MPPE1: variants seen among roughly 807,000 people sequenced by gnomAD.
MPPE1 encodes metallophosphoesterase 1, also known as metallo phosphoesterase.
Under a neutral mutation model 43.8 loss-of-function variants are expected in MPPE1, and 28 were observed. The ratio of observed to expected loss-of-function variants is 0.64; its 90% confidence interval spans 0.47 to 0.88. The LOEUF (loss-of-function observed/expected upper bound fraction) is 0.88, where lower values mean the gene tolerates loss of function less well. Ranked by LOEUF, MPPE1 falls within the 40% of genes least tolerant of loss-of-function variation. The pLI is 0.00. For synonymous variants in MPPE1, 159 were observed against 188.5 expected, an observed-to-expected ratio of 0.84 and a Z score of 1.28; for missense variants, 428 against 492.2, an observed-to-expected ratio of 0.87 and a Z score of 1.23.
chr18:11,894,774 G>C (rs1355836321), intron 3 of MPPE1, among the ~76,000 whole-genome samples: 2 of 151,888 alleles, frequency 1.3e-5, no homozygotes, highest in African/African-American at 4.8e-5. Flanking sequence ...ATATTTAGTA[G>C]AGACGGGGTT....
At chr18:11,896,365 G>A (rs1341708404) in intron 3 of MPPE1, among the ~76,000 whole-genome samples, 2 of 152,096 alleles carry the variant, frequency 1.3e-5, no homozygotes. Flanking sequence ...GCCTCCCAAA[G>A]TGCTGGGATT....
At chr18:11,887,885 T>C (rs689057) in intron 6 of MPPE1, among the ~76,000 whole-genome samples, 55,918 of 152,016 alleles carry the variant, frequency 0.37, 12,064 homozygotes, top group African/African-American at 0.6. Context: ...AGACTCTGCC[T>C]TCCTGGCAGA....
chr18:11,903,026 T>G (rs2039354776), intron 2 of MPPE1, among the ~76,000 whole-genome samples: 1 of 152,166 alleles, frequency 6.6e-6, no homozygotes, highest in African/African-American at 2.4e-5. Flanking sequence ...AGGGGAGTTC[T>G]GGCGCTTCCC....
chr18:11,894,635 G>T (rs1278221247), intron 3 of MPPE1, among the ~76,000 whole-genome samples: 1 of 152,136 alleles, frequency 6.6e-6, no homozygotes, highest in Non-Finnish European at 1.5e-5. Context: ...TTGTTGCCCA[G>T]GCTGGAGTAC....
rs1362588454 is a variant in MPPE1 at position 11,884,623 on chromosome 18, C to CTA, written c.1011_1012dup (p.Ser338IlefsTer22). 3 of 1,613,110 alleles carry CTA rather than the reference C, an allele frequency of 1.9e-6. No homozygotes were observed. In the Admixed American group the frequency reaches 5.0e-5, roughly 27 times the overall value. On this transcript the variant is annotated frameshift_variant, in exon 11 of 11. Coordinates refer to ENST00000588072, the MANE Select transcript of MPPE1 (RefSeq NM_023075.6). LOFTEE classifies it low-confidence loss of function (END_TRUNC). ...GAGGGTGTAGTCTGTGGGCGTGATG[C>CTA]TACCCTGGAAAGGAGAAGGGAAAGT...
chr18:11,889,016 A>G (rs900619931), intron 5 of MPPE1, among the ~76,000 whole-genome samples: 1 of 152,244 alleles, frequency 6.6e-6, no homozygotes, highest in Non-Finnish European at 1.5e-5. Flanking sequence ...TAATGTGTTA[A>G]TATATGGAAG....
At position 11,885,730 on chromosome 18, in the gene MPPE1, C is replaced by G; in HGVS notation, c.954G>C (p.Glu318Asp). Reference sequence around the variant, plus strand: ...TCCAACTGAAAGATGGGACGCTGAGCTCGGGGACTCGGCCCCCGTGGTGCA... The same window carrying G: ...TCCAACTGAAAGATGGGACGCTGAGGTCGGGGACTCGGCCCCCGTGGTGCA... ...CEVHHGGRVP[E>D]LSVPSFSWRN... Residue 318 changes from glutamate to aspartate, a missense_variant, in exon 10 of 11, where the codon GAG (glutamate) becomes GAC (aspartate). Physicochemically the swap from Glu to Asp is conservative, Grantham distance 45 (BLOSUM62 2). This residue lies in a region of MPPE1 where 379 missense variants were observed against 402.5 expected (regional missense o/e 0.94). Coordinates refer to ENST00000588072, the MANE Select transcript of MPPE1 (RefSeq NM_023075.6). The G allele has an allele frequency of 6.2e-7, 1 of 1,614,078 alleles. No homozygotes were observed. Among genetic ancestry groups the G allele is most frequent in the Non-Finnish European group, 8.5e-7 (1 of 1,179,928 alleles).
In MPPE1 at chr18:11,908,184, G is replaced by C. The variant is rs1392252194; in HGVS notation, c.-200+17C>G. The C allele has an allele frequency of 6.6e-6, 1 of 152,232 alleles. No homozygotes were observed. The highest frequency in any genetic ancestry group is 2.4e-5 in the African/African-American group (1 of 41,468). 9.4% of individuals were successfully genotyped at this position (152,232 alleles called of 1,614,324 possible). ...TTAGAAGTTTAAATGTTGTCACACG[G>C]GCGCAAGAATACATACAACAGCCAT... On this transcript the variant is annotated intron_variant, in intron 1 of 10. Coordinates refer to ENST00000588072, the MANE Select transcript of MPPE1 (RefSeq NM_023075.6).
At chr18:11,885,186 C>A in intron 10 of MPPE1, 1 of 553,236 alleles carries the variant, frequency 1.8e-6, no homozygotes, top group Non-Finnish European at 2.6e-6. Context: ...GTAAAAGAAC[C>A]TGTCGTACCA....
At chr18:11,891,770 G>T (rs1034697301) in intron 4 of MPPE1, among the ~76,000 whole-genome samples, 5 of 151,744 alleles carry the variant, frequency 3.3e-5, no homozygotes, top group African/African-American at 1.2e-4. Context: ...TTGTTGTGGG[G>T]TTTTTTTTGT....
intron 2 of MPPE1, among the ~76,000 whole-genome samples, chr18:11,904,601 G>A (rs1468963724): frequency 6.6e-6 from 1 of 152,012 alleles, no homozygotes; most frequent in Non-Finnish European, 1.5e-5. Flanking sequence ...TTACAGACAT[G>A]AGCCACTGCG....
At chr18:11,906,911 TTTA>T (rs1457563109) in intron 1 of MPPE1, among the ~76,000 whole-genome samples, 3 of 152,142 alleles carry the variant, frequency 2.0e-5, no homozygotes, top group African/African-American at 7.2e-5. Context: ...TATTTATTTA[TTTA>T]TTTTTAGAGA....
intron 2 of MPPE1, among the ~76,000 whole-genome samples, chr18:11,900,396 CGCGG>C (rs942493155): frequency 1.3e-5 from 2 of 151,862 alleles, no homozygotes; most frequent in African/African-American, 4.8e-5. Flanking sequence ...GTCCCATCTA[CGCGG>C]GAGGCTGAGG....
intron 2 of MPPE1, among the ~76,000 whole-genome samples, chr18:11,904,068 C>G (rs551386770): frequency 6.6e-6 from 1 of 152,172 alleles, no homozygotes; most frequent in African/African-American, 2.4e-5. Flanking sequence ...ACCTTCTACC[C>G]CTAACATTCT....
intron 10 of MPPE1, 56 bp from the exon 11 acceptor site, chr18:11,884,683 C>A: frequency 6.4e-7 from 1 of 1,555,270 alleles, no homozygotes. Flanking sequence ...TTGAACACCG[C>A]AGTCTTAGAA....
intron 2 of MPPE1, 131 bp downstream of exon 2, chr18:11,906,072 G>A (rs928507030): frequency 3.9e-5 from 6 of 152,096 alleles, no homozygotes; most frequent in African/African-American, 7.2e-5. Flanking sequence ...ATCATCAAAC[G>A]ATAACCCAGC....
chr18:11,885,018 T>C (rs1266158351), intron 10 of MPPE1: 26 of 1,297,690 alleles, frequency 2.0e-5, no homozygotes, highest in African/African-American at 4.5e-5. Flanking sequence ...TTCCTGCCCC[T>C]TGATGCTCAA....
chr18:11,900,100 A>G (rs2038984503), intron 2 of MPPE1, among the ~76,000 whole-genome samples: 1 of 152,176 alleles, frequency 6.6e-6, no homozygotes, highest in Non-Finnish European at 1.5e-5. Flanking sequence ...GTAATCCAGC[A>G]CTTTGGGAGG....
In MPPE1 at chr18:11,889,965, T is replaced by C. The variant is rs561569096; in HGVS notation, c.391-475A>G. Among the ~76,000 whole-genome samples, 512 of 150,224 alleles carry C rather than the reference T, an allele frequency of 3.4e-3. 1 individual carries two copies. The highest frequency in any genetic ancestry group is 0.01 in the African/African-American group (425 of 40,520). On this transcript the variant is annotated intron_variant, in intron 4 of 10. Transcript: ENST00000588072. The stretch of plus-strand genomic sequence containing the variant: ...TGTAGAACTTTTTTTTTTTTTGAGA[T>C]GGAGTCTCGCTCTGTTGCCCAGGCT...
Sources: allele counts gnomAD v4.1 joint callset (sites outside exome capture counted in the v4.1 genomes callset), GRCh38; gene constraint gnomAD v4.1.1; regional missense constraint gnomAD v4.1.1; transcripts MANE v1.5; gene names NCBI Gene and HGNC (gene_info 2026-07-23, HGNC 2026-07-21).